Variants in KMT5B observed in about 807,000 individuals in gnomAD.
KMT5B encodes the protein histone-lysine N-methyltransferase KMT5B.
A neutral mutation model predicts 83.2 loss-of-function variants in KMT5B; 10 were observed. The observed-to-expected ratio is 0.12, with a 90% CI of 0.07 to 0.20. The LOEUF is 0.20. Ranked by LOEUF, KMT5B falls within the 10% of genes least tolerant of loss-of-function variation. The probability of loss-of-function intolerance (pLI) is 1.00; values close to 1 mark genes in which losing one functional copy is unlikely to be tolerated. For synonymous variants in KMT5B, 349 were observed against 388.8 expected, an observed-to-expected ratio of 0.90 and a Z score of 1.20; for missense variants, 753 against 1,067.2, an observed-to-expected ratio of 0.71 and a Z score of 4.10.
At chr11:68,177,084 T>G (rs904944453) in intron 4 of KMT5B, among the ~76,000 whole-genome samples, 28 of 152,208 alleles carry the variant, frequency 1.8e-4, no homozygotes, top group Non-Finnish European at 2.8e-4. Flanking sequence ...TATTAGGTGC[T>G]GTGTTGTGTA....
Position 68,180,116 on chromosome 11 carries a change from AAC to A in KMT5B, c.377+14_377+15del, listed in dbSNP as rs1409701967. ...GGTTAGTCAGTATCTCATTGTTTTT[AAC>A]ACACACTACCTACCTCACAGGGTTG... On this transcript the variant is annotated intron_variant, in intron 4 of 10. Transcript: ENST00000304363. 15 of 1,574,842 alleles carry A rather than the reference AAC, an allele frequency of 9.5e-6. No homozygotes were observed. The Admixed American group carries it at 1.4e-4, about 15-fold the overall frequency.
intron 3 of KMT5B, among the ~76,000 whole-genome samples, chr11:68,185,455 A>C (rs1857354796): frequency 6.6e-6 from 1 of 152,168 alleles, no homozygotes; most frequent in Admixed American, 6.5e-5. Context: ...TGATCCACCC[A>C]CCTTGGCCTC....
chr11:68,191,173 T>TTGTGTGTGTG (rs71040600), intron 1 of KMT5B, among the ~76,000 whole-genome samples: 11,346 of 139,116 alleles, frequency 0.082, 541 homozygotes, highest in Middle Eastern at 0.2. Context: ...TTTTAAAACT[T>TTGTGTGTGTG]TGTGTGTGTG....
chr11:68,175,819 G>T (rs1856309509), intron 4 of KMT5B, among the ~76,000 whole-genome samples: 1 of 152,006 alleles, frequency 6.6e-6, no homozygotes, highest in African/African-American at 2.4e-5. Context: ...CATCTTTGAT[G>T]ACTGCATTCA....
At chr11:68,173,657 G>T in intron 6 of KMT5B, 147 bp downstream of exon 6, 1 of 576,938 alleles carries the variant, frequency 1.7e-6, no homozygotes. Flanking sequence ...TCTGACTCCA[G>T]CTGATGGGCC....
Position 68,166,988 on chromosome 11 carries a change from T to A in KMT5B, c.1168A>T (p.Asn390Tyr). 1 of 1,613,888 alleles carries A rather than the reference T, an allele frequency of 6.2e-7. No individual in the cohort carries two copies. Among genetic ancestry groups the A allele is most frequent in the South Asian group, 1.1e-5 (1 of 91,078 alleles). The part of the protein sequence containing the change: ...TDADTTQEKN[N>Y]ATSNRKSSVG... ...TCAAATCTCCCTTACTTACTTGCAT[T>A]GTTTTTTTCCTGAGTGGTATCTGCA... Residue 390 changes from asparagine (N) to tyrosine (Y), a missense_variant, in exon 10 of 11, where the codon AAT (asparagine) becomes TAT (tyrosine). This residue lies in a region of KMT5B where 397 missense variants were observed against 395.9 expected (regional missense o/e 1.00). Transcript: ENST00000304363.
intron 10 of KMT5B, among the ~76,000 whole-genome samples, chr11:68,165,233 T>G (rs1440596420): frequency 2.6e-5 from 4 of 152,222 alleles, no homozygotes; most frequent in Non-Finnish European, 5.9e-5. Context: ...CCGGGTGCAG[T>G]GGCTCACACC....
intron 10 of KMT5B, chr11:68,166,683 C>T: frequency 1.7e-6 from 2 of 1,198,396 alleles, no homozygotes; most frequent in Non-Finnish European, 2.1e-6. Context: ...TCATCACAGT[C>T]TCTAACACCT....
chr11:68,199,069 A>T (rs755464433), intron 1 of KMT5B, among the ~76,000 whole-genome samples: 1 of 152,166 alleles, frequency 6.6e-6, no homozygotes, highest in African/African-American at 2.4e-5. Flanking sequence ...GCTTGGTGCA[A>T]AAGTAATAAA....
intron 2 of KMT5B, among the ~76,000 whole-genome samples, chr11:68,188,155 G>A (rs1233132724): frequency 6.6e-6 from 1 of 150,782 alleles, no homozygotes; most frequent in Non-Finnish European, 1.5e-5. Context: ...CTCACGAGTA[G>A]TTGGGACTAC....
At chr11:68,209,380 G>C (rs145519602) in intron 1 of KMT5B, among the ~76,000 whole-genome samples, 4 of 152,176 alleles carry the variant, frequency 2.6e-5, no homozygotes, top group African/African-American at 9.7e-5. Flanking sequence ...ATCAGTCGTT[G>C]AGTCAGGGAA....
At chr11:68,164,576 C>G in intron 10 of KMT5B, 4 of 470,076 alleles carry the variant, frequency 8.5e-6, no homozygotes, top group Non-Finnish European at 8.6e-6. Context: ...TCAGAGACAA[C>G]TAAAGCCTTG....
At chr11:68,189,416 C>T (rs1212132217) in intron 2 of KMT5B, among the ~76,000 whole-genome samples, 1 of 152,216 alleles carries the variant, frequency 6.6e-6, no homozygotes, top group Non-Finnish European at 1.5e-5. Flanking sequence ...CAACTGTCTA[C>T]CCTGTATAAA....
rs761635626 is a variant in KMT5B at position 68,157,998 on chromosome 11, C to T, written c.2348G>A (p.Arg783Gln). The T allele has an allele frequency of 3.7e-5, 60 of 1,614,016 alleles. No homozygotes were observed. In the East Asian group the frequency reaches 4.9e-4, roughly 13 times the overall value. Residue 783 changes from arginine (R) to glutamine (Q), a missense_variant, in exon 11 of 11, where the codon CGA becomes CAA. This residue lies in a region of KMT5B where 161 missense variants were observed against 195.1 expected (regional missense o/e 0.83). Transcript: ENST00000304363. ...SSTKLKIQLK[R>Q]DEENRGSYTE... The stretch of plus-strand genomic sequence containing the variant: ...ATAAGACCCCCTATTTTCCTCATCT[C>T]GTTTTAGCTGGATTTTTAATTTTGT...
chr11:68,193,626 G>A (rs1430397250), intron 1 of KMT5B, among the ~76,000 whole-genome samples: 1 of 151,768 alleles, frequency 6.6e-6, no homozygotes, highest in Admixed American at 6.6e-5. Flanking sequence ...CTTTTAACGT[G>A]CCTTTTGATT....
intron 4 of KMT5B, among the ~76,000 whole-genome samples, chr11:68,175,509 G>A (rs1339583694): frequency 1.3e-5 from 2 of 152,050 alleles, no homozygotes; most frequent in African/African-American, 4.8e-5. Flanking sequence ...GTGAGCAGAC[G>A]ATTCAAACAA....
intron 1 of KMT5B, among the ~76,000 whole-genome samples, chr11:68,210,620 G>GA (rs1415887378): frequency 6.6e-6 from 1 of 152,136 alleles, no homozygotes; most frequent in African/African-American, 2.4e-5. Context: ...GTCATCATTT[G>GA]ACATACGGCC....
At chr11:68,167,998 CCT>C (rs1314048267) in intron 9 of KMT5B, among the ~76,000 whole-genome samples, 1 of 151,952 alleles carries the variant, frequency 6.6e-6, no homozygotes, top group Non-Finnish European at 1.5e-5. Flanking sequence ...ATGGTGAAAC[CCT>C]GTCTCTACTA....
chr11:68,210,787 C>CT (rs1860797421), intron 1 of KMT5B, among the ~76,000 whole-genome samples: 1 of 152,130 alleles, frequency 6.6e-6, no homozygotes, highest in African/African-American at 2.4e-5. Context: ...CACATGGTCC[C>CT]TATCGTCAAA....
Sources: gnomAD v4.1 joint callset for allele counts (sites outside exome capture counted in the v4.1 genomes callset) on GRCh38, gnomAD v4.1.1 for gene constraint, gnomAD v4.1.1 regional missense constraint, MANE v1.5 for transcripts, NCBI Gene and HGNC (gene_info 2026-07-23, HGNC 2026-07-21) for gene names.